Variants in OLFM3 observed in about 807,000 individuals in gnomAD.
OLFM3 encodes noelin-3.
A neutral mutation model predicts 48.6 loss-of-function variants in OLFM3; 20 were observed. That is an observed-to-expected ratio of 0.41 (90% CI 0.29 to 0.60). The LOEUF (loss-of-function observed/expected upper bound fraction) is 0.60. Among genes scored for constraint, OLFM3 ranks in the 20% least tolerant of loss-of-function variants. The pLI is 0.28. For missense variants in OLFM3, 437 were observed against 544.3 expected, an observed-to-expected ratio of 0.80 and a Z score of 1.96; for synonymous variants, 222 against 198.1, an observed-to-expected ratio of 1.12 and a Z score of -1.01.
intron 4 of OLFM3, among the ~76,000 whole-genome samples, chr1:101,823,636 G>C (rs1191652815): frequency 1.3e-5 from 2 of 151,978 alleles, no homozygotes; most frequent in Non-Finnish European, 2.9e-5. Context: ...ATTTTCAACA[G>C]AGCAAAATAA....
chr1:101,810,280 C>G (rs1348320199), intron 4 of OLFM3, among the ~76,000 whole-genome samples: 1 of 151,894 alleles, frequency 6.6e-6, no homozygotes, highest in Non-Finnish European at 1.5e-5. Flanking sequence ...AAATCCTCAT[C>G]TTGCAGAGCA....
intron 1 of OLFM3, among the ~76,000 whole-genome samples, chr1:101,922,914 G>T (rs1273592934): frequency 2.0e-5 from 3 of 152,200 alleles, no homozygotes; most frequent in African/African-American, 4.8e-5. Flanking sequence ...GTACTAAGCA[G>T]CTGACATCCA....
Position 101,890,186 on chromosome 1 carries a change from T to C in OLFM3, c.70-53161A>G, listed in dbSNP as rs540382948. Among the ~76,000 whole-genome samples, 46 of 152,196 alleles carry C rather than the reference T, an allele frequency of 3.0e-4. No homozygotes were observed. The South Asian group carries it at 5.2e-3, about 17-fold the overall frequency. ...ATAGTTTTAATGATCTTGGAAAATA[T>C]GATAATTGTTCATGTTAAAATTATG... On this transcript the variant is annotated intron_variant, in intron 1 of 5. Coordinates refer to ENST00000370103, the MANE Select transcript of OLFM3 (RefSeq NM_058170.4).
At chr1:101,925,367 A>G (rs1043529093) in intron 1 of OLFM3, among the ~76,000 whole-genome samples, 8 of 151,962 alleles carry the variant, frequency 5.3e-5, no homozygotes, top group African/African-American at 1.9e-4. Context: ...AAGCAGTATC[A>G]TACTCTGCAC....
At chr1:101,812,926 G>A (rs1302706939) in intron 4 of OLFM3, 2 of 1,011,740 alleles carry the variant, frequency 2.0e-6, no homozygotes, top group Admixed American at 5.8e-5. Context: ...AAATATGTTA[G>A]AGGGTAAAAA....
chr1:101,816,285 T>G (rs1195251675), intron 4 of OLFM3, among the ~76,000 whole-genome samples: 2 of 152,120 alleles, frequency 1.3e-5, no homozygotes, highest in Non-Finnish European at 2.9e-5. Flanking sequence ...TAGGAAAATA[T>G]GAGATTACAG....
At chr1:101,987,822 A>G (rs1003968059) in intron 1 of OLFM3, among the ~76,000 whole-genome samples, 2 of 152,104 alleles carry the variant, frequency 1.3e-5, no homozygotes, top group Non-Finnish European at 2.9e-5. Flanking sequence ...TTGGGGTTAT[A>G]TAGATGTCTG....
intron 1 of OLFM3, among the ~76,000 whole-genome samples, chr1:101,955,088 A>T (rs1450072163): frequency 1.3e-5 from 2 of 152,054 alleles, no homozygotes. Context: ...TCATTTTGGC[A>T]TGCTAGAATT....
At chr1:101,816,239 G>C (rs1341678915) in intron 4 of OLFM3, among the ~76,000 whole-genome samples, 1 of 152,102 alleles carries the variant, frequency 6.6e-6, no homozygotes, top group Admixed American at 6.6e-5. Flanking sequence ...AGCTATAAAA[G>C]ATTCTTTCAA....
chr1:101,960,800 T>TA (rs1299160152), intron 1 of OLFM3, among the ~76,000 whole-genome samples: 1 of 152,142 alleles, frequency 6.6e-6, no homozygotes, highest in Non-Finnish European at 1.5e-5. Flanking sequence ...GTTCTGCTAG[T>TA]CCAACTGAGA....
rs992581991 is a variant in OLFM3 at position 101,836,927 on chromosome 1, C to G, written c.168G>C (p.Leu56=). The change falls in exon 2 of 6, where the codon CTG becomes CTC. Residue 56 remains leucine (L), a synonymous_variant. Transcript: ENST00000370103. Reference sequence around the variant, plus strand: ...GCCTGCTTTTGGCATCCCGGGAACACAGGTTTTGTTCTGGAGCAACAACTG... The same window carrying G: ...GCCTGCTTTTGGCATCCCGGGAACAGAGGTTTTGTTCTGGAGCAACAACTG... ...ICTVVAPEQN[L]CSRDAKSRQL... is the part of the protein sequence containing the mutation. The G allele has an allele frequency of 2.5e-6, 4 of 1,614,128 alleles. No individual in the cohort carries two copies. The highest frequency in any genetic ancestry group is 1.6e-4 in the Middle Eastern group (1 of 6,062).
At chr1:101,914,606 T>C (rs1251413857) in intron 1 of OLFM3, among the ~76,000 whole-genome samples, 1 of 152,178 alleles carries the variant, frequency 6.6e-6, no homozygotes, top group East Asian at 1.9e-4. Context: ...CCAACATAGA[T>C]GTTACTTCTA....
intron 1 of OLFM3, among the ~76,000 whole-genome samples, chr1:101,859,312 T>A (rs1476950134): frequency 6.6e-6 from 1 of 151,966 alleles, no homozygotes; most frequent in Non-Finnish European, 1.5e-5. Context: ...GCAATAAATA[T>A]TAGGGAGTGG....
chr1:101,813,409 T>C (rs918456925), intron 4 of OLFM3, among the ~76,000 whole-genome samples: 10 of 152,166 alleles, frequency 6.6e-5, no homozygotes, highest in Non-Finnish European at 1.3e-4. Context: ...ACAAGCAAAT[T>C]AAACTACTGT....
At chr1:101,812,189 G>A (rs1654094744) in intron 4 of OLFM3, among the ~76,000 whole-genome samples, 1 of 151,704 alleles carries the variant, frequency 6.6e-6, no homozygotes, top group Non-Finnish European at 1.5e-5. Flanking sequence ...CTTTCATGGG[G>A]TGGGGGGAGT....
chr1:101,803,857 T>C lies in OLFM3; in HGVS notation c.*381A>G, dbSNP rs541982335. ...ATTCCTACCAAAATATTTCCTGATA[T>C]GGAGCAAAAGACAGTAAAAAATGAC... On this transcript the variant is annotated 3_prime_UTR_variant, in exon 6 of 6. Transcript: ENST00000370103. 1 of 155,120 alleles carries C rather than the reference T, an allele frequency of 6.4e-6. No homozygotes were observed. Among genetic ancestry groups the C allele is most frequent in the Admixed American group, 6.5e-5 (1 of 15,346 alleles). The allele number at this position is 155,120 out of a possible 1,614,324, so 9.6% of individuals were successfully genotyped here.
chr1:101,820,167 G>A (rs950248441), intron 4 of OLFM3, among the ~76,000 whole-genome samples: 32 of 152,102 alleles, frequency 2.1e-4, no homozygotes, highest in Middle Eastern at 3.4e-3. Flanking sequence ...TGGCATAAAC[G>A]GTAAAGACAG....
chr1:101,959,722 C>A (rs1336794), intron 1 of OLFM3, among the ~76,000 whole-genome samples: 32,263 of 151,944 alleles, frequency 0.21, 3,603 homozygotes, highest in Non-Finnish European at 0.23. Context: ...GAGTCAAGAC[C>A]GTATAAGGCA....
At chr1:101,848,619 A>G (rs1656106172) in intron 1 of OLFM3, among the ~76,000 whole-genome samples, 1 of 152,126 alleles carries the variant, frequency 6.6e-6, no homozygotes, top group African/African-American at 2.4e-5. Context: ...AAATCATGCC[A>G]TATGAAAAAC....
Sources: gnomAD v4.1 joint callset for allele counts (sites outside exome capture counted in the v4.1 genomes callset) on GRCh38, gnomAD v4.1.1 for gene constraint, MANE v1.5 for transcripts, NCBI Gene and HGNC (gene_info 2026-07-23, HGNC 2026-07-21) for gene names.